The following GLTP variants were observed in gnomAD, a reference collection of about 807,000 sequenced individuals.
GLTP encodes the protein glycolipid transfer protein.
GLTP carries 22 observed loss-of-function variants against 24.0 expected under a neutral mutation model. That is an observed-to-expected ratio of 0.92 (90% CI 0.65 to 1.31). The LOEUF is 1.31. Among genes scored for constraint, GLTP ranks in the 50% most tolerant of loss-of-function variants. The pLI, the probability that GLTP is intolerant of heterozygous loss-of-function variation, is 0.00. For synonymous variants in GLTP, 92 were observed against 115.9 expected (o/e 0.79, Z 1.33); for missense variants, 224 against 276.6 (o/e 0.81, Z 1.35).
At chr12:109,869,325 G>T (rs372696613) in intron 1 of GLTP, among the ~76,000 whole-genome samples, 3 of 80,866 alleles carry the variant, frequency 3.7e-5, no homozygotes, top group Non-Finnish European at 7.5e-5. Flanking sequence ...AAAAAAGAAA[G>T]AAAGAAAGAA....
At chr12:109,876,686 GA>G (rs1258173597) in intron 1 of GLTP, among the ~76,000 whole-genome samples, 1 of 151,484 alleles carries the variant, frequency 6.6e-6, no homozygotes, top group African/African-American at 2.4e-5. Flanking sequence ...GAAGGAAAAG[GA>G]AGAAAGAAAA....
intron 1 of GLTP, chr12:109,860,340 T>A (rs937229237): frequency 4.6e-6 from 1 of 215,432 alleles, no homozygotes; most frequent in Non-Finnish European, 9.9e-6. Context: ...TAAAGTGTTT[T>A]CAGCTGGCTA....
Position 109,855,552 on chromosome 12 carries a change from G to A in GLTP, c.447+67C>T. On this transcript the variant is annotated intron_variant, in intron 4 of 4. Transcript: ENST00000318348. The surrounding 1 kb of genome is among the most constrained non-coding windows in gnomAD (Gnocchi z 4.1). Reference sequence around the variant, plus strand: ...TCACAGGCCAGGAGGCCTCGGCTAAGCAGGGGCAGAGTGGGGAGCAGAATC... The same window carrying A: ...TCACAGGCCAGGAGGCCTCGGCTAAACAGGGGCAGAGTGGGGAGCAGAATC... 7 of 1,416,290 alleles carry A rather than the reference G, an allele frequency of 4.9e-6. No individual in the cohort carries two copies. The highest frequency in any genetic ancestry group is 6.7e-6 in the Non-Finnish European group (7 of 1,048,918). 87.7% of individuals were successfully genotyped at this position (1,416,290 alleles called of 1,614,324 possible).
chr12:109,867,840 C>T (rs1298222985), intron 1 of GLTP, among the ~76,000 whole-genome samples: 6 of 150,702 alleles, frequency 4.0e-5, no homozygotes, highest in African/African-American at 7.3e-5. Flanking sequence ...TGCACTGACA[C>T]GATCTCAGCT....
chr12:109,879,856 A>T (rs1236181078), intron 1 of GLTP, among the ~76,000 whole-genome samples: 1 of 151,898 alleles, frequency 6.6e-6, no homozygotes, highest in Non-Finnish European at 1.5e-5. Context: ...TTGTAAGGGG[A>T]GCGAGTTGAG....
At chr12:109,869,321 G>A (rs66482232) in intron 1 of GLTP, among the ~76,000 whole-genome samples, 59,587 of 113,386 alleles carry the variant, frequency 0.53, 16,963 homozygotes, top group African/African-American at 0.61. Flanking sequence ...AAAAAAAAAA[G>A]AAAGAAAGAA....
chr12:109,872,135 A>G (rs1205673021), intron 1 of GLTP, among the ~76,000 whole-genome samples: 1 of 152,228 alleles, frequency 6.6e-6, no homozygotes, highest in Admixed American at 6.5e-5. Context: ...GCCTTTGGAC[A>G]TTATAAAGGA....
intron 1 of GLTP, among the ~76,000 whole-genome samples, chr12:109,865,392 C>A (rs898899571): frequency 6.6e-6 from 1 of 151,930 alleles, no homozygotes; most frequent in Non-Finnish European, 1.5e-5. Flanking sequence ...TTTGGGAGGC[C>A]GAGGCGGGCG....
chr12:109,863,828 T>C (rs1161808509), intron 1 of GLTP, among the ~76,000 whole-genome samples: 2 of 152,148 alleles, frequency 1.3e-5, no homozygotes, highest in African/African-American at 4.8e-5. Flanking sequence ...GAAGAAGAGA[T>C]GACGGCAGGG....
Position 109,857,344 on chromosome 12 carries a change from G to A in GLTP, c.296+182C>T, listed in dbSNP as rs1892811934. 6.6e-6 allele frequency among the ~76,000 whole-genome samples: 1 copy of A among 152,192 alleles called. No homozygotes were observed. On this transcript the variant is annotated intron_variant, in intron 3 of 4. Transcript: ENST00000318348. This position sits in a 1 kb window ranked among gnomAD's most constrained non-coding sequence, Gnocchi z 4.3. The stretch of plus-strand genomic sequence containing the variant: ...CATATACTGATGGGACTGGAACCAG[G>A]AAGCATCACTGTCAGGCAAGCCCTG...
intron 1 of GLTP, among the ~76,000 whole-genome samples, chr12:109,878,160 T>G (rs1868944432): frequency 6.6e-6 from 1 of 152,226 alleles, no homozygotes; most frequent in Admixed American, 6.5e-5. Flanking sequence ...TGGCACCAGA[T>G]GACTGCTGGC....
chr12:109,855,800 G>T lies in GLTP; in HGVS notation c.297-31C>A, dbSNP rs369166681. ...GCCCAGGGAGGAGAAGGTTCGTTAG[G>T]ACCCTGCACAGCCCTGTCGTGAAAG... On this transcript the variant is annotated intron_variant, in intron 3 of 4. Coordinates refer to ENST00000318348, the MANE Select transcript of GLTP (RefSeq NM_016433.4). This position sits in a 1 kb window ranked among gnomAD's most constrained non-coding sequence, Gnocchi z 4.1. 6.5e-7 allele frequency: 1 copy of T among 1,541,770 alleles called. No homozygotes were observed.
chr12:109,855,776 C>A lies in GLTP; in HGVS notation c.297-7G>T. 1 of 1,578,914 alleles carries A rather than the reference C, an allele frequency of 6.3e-7. No homozygotes were observed. The highest frequency in any genetic ancestry group is 8.6e-7 in the Non-Finnish European group (1 of 1,163,898). ...CTGGATGAAGCGGAGGCCTCTGTGG[C>A]CCAGGGAGGAGAAGGTTCGTTAGGA... On this transcript the variant is annotated splice_region_variant and splice_polypyrimidine_tract_variant and intron_variant, in intron 3 of 4. Transcript: ENST00000318348. The surrounding 1 kb of genome is among the most constrained non-coding windows in gnomAD (Gnocchi z 4.1).
rs143113542 is a variant in GLTP at position 109,880,255 on chromosome 12, C to A, written c.103+17G>T. On this transcript the variant is annotated intron_variant, in intron 1 of 4. Transcript: ENST00000318348. The surrounding 1 kb of genome is among the most constrained non-coding windows in gnomAD (Gnocchi z 5.1). ...GCGTGGGGCTGCGGGCCGCCTCCCCCCTCCATTCCGGCTCACCGAAGAAGG... is the reference window on the plus strand; with the variant it reads ...GCGTGGGGCTGCGGGCCGCCTCCCCACTCCATTCCGGCTCACCGAAGAAGG... The A allele has an allele frequency of 8.9e-3, 13,342 of 1,502,888 alleles. 67 individuals are homozygous for A. The highest frequency in any genetic ancestry group is 0.01 in the Non-Finnish European group (10,936 of 1,089,122). The allele number at this position is 1,502,888 out of a possible 1,614,324, so 93.1% of individuals were successfully genotyped here.
chr12:109,852,694 G>A lies in GLTP; in HGVS notation c.491C>T (p.Ala164Val), dbSNP rs765443290. The change falls in exon 5 of 5, where the codon GCG becomes GTG. Residue 164 changes from alanine (A) to valine (V), a missense_variant. By Grantham distance (64) the Ala-to-Val change is moderately conservative. Transcript: ENST00000318348. ...CGTAACATTCTGCCCCTTGGAGAGC[G>A]CTTTCAGGAAGTCAGACTTATAGGG... ...AAPYKSDFLK[A>V]LSKGQNVTEE... The A allele has an allele frequency of 8.7e-6, 14 of 1,612,276 alleles. No homozygotes were observed. Among genetic ancestry groups the A allele is most frequent in the Non-Finnish European group, 1.1e-5 (13 of 1,178,460 alleles).
intron 1 of GLTP, among the ~76,000 whole-genome samples, chr12:109,876,610 G>C (rs1421558862): frequency 1.4e-5 from 2 of 141,816 alleles, no homozygotes; most frequent in African/African-American, 2.6e-5. Context: ...GGGAAGAAGG[G>C]AGGAAGGGAG....
chr12:109,865,908 C>CA (rs1472455773), intron 1 of GLTP, among the ~76,000 whole-genome samples: 1 of 152,174 alleles, frequency 6.6e-6, no homozygotes, highest in Admixed American at 6.5e-5. Context: ...CTACTCAACT[C>CA]AGAAGGCACA....
chr12:109,876,844 A>G (rs536763463), intron 1 of GLTP, among the ~76,000 whole-genome samples: 1 of 152,212 alleles, frequency 6.6e-6, no homozygotes, highest in Admixed American at 6.5e-5. Flanking sequence ...GGCTTTATGT[A>G]GATTTTCTTT....
Position 109,857,889 on chromosome 12 carries a change from G to A in GLTP, c.163-230C>T, listed in dbSNP as rs969149236. 8.9e-6 allele frequency: 5 copies of A among 560,504 alleles called. No individual in the cohort carries two copies. Among genetic ancestry groups the A allele is most frequent in the Non-Finnish European group, 1.6e-5 (5 of 312,470 alleles). 34.7% of individuals were successfully genotyped at this position (560,504 alleles called of 1,614,324 possible). A position where few individuals can be genotyped will look rare whatever the true frequency, so the allele number is the denominator to read the frequency against. On this transcript the variant is annotated intron_variant, in intron 2 of 4. Transcript: ENST00000318348. This position sits in a 1 kb window ranked among gnomAD's most constrained non-coding sequence, Gnocchi z 4.3. ...TCCTGGTGGCAAACCTGATGTTGCT[G>A]TCATTATCCCATTTTACAGGCAGAG... is the stretch of plus-strand genomic sequence containing the variant.
Sources: allele counts gnomAD v4.1 joint callset (sites outside exome capture counted in the v4.1 genomes callset), GRCh38; gene constraint gnomAD v4.1.1; non-coding constraint Gnocchi (gnomAD v3.1); transcripts MANE v1.5; gene names NCBI Gene and HGNC (gene_info 2026-07-23, HGNC 2026-07-21).